CNOT7: variants seen among roughly 807,000 people sequenced by gnomAD.
CNOT7 encodes CCR4-NOT transcription complex subunit 7.
Under a neutral mutation model 37.1 loss-of-function variants are expected in CNOT7, and 4 were observed. The observed-to-expected ratio is 0.11, with a 90% CI of 0.05 to 0.25. CNOT7 has a LOEUF of 0.25. Ranked by LOEUF, CNOT7 falls within the 10% of genes least tolerant of loss-of-function variation. The probability of loss-of-function intolerance (pLI) is 1.00; values close to 1 mark genes in which losing one functional copy is unlikely to be tolerated. For missense variants in CNOT7, 170 were observed against 336.2 expected, an observed-to-expected ratio of 0.51 and a Z score of 3.87; for synonymous variants, 128 against 115.6, an observed-to-expected ratio of 1.11 and a Z score of -0.69.
chr8:17,237,634 C>T, intron 3 of CNOT7: 2 of 347,394 alleles, frequency 5.8e-6, no homozygotes, highest in Non-Finnish European at 1.1e-5. Context: ...CTCTATTAGC[C>T]TTTCATACTT....
rs752150564 is a variant in CNOT7, at chr8:17,246,813, G to A, written c.-234C>T. ...CCTCTCGCCCAGCGAAGGGAAAGGC[G>A]AGCAGGAGCTGCGCCGCACCGTGCT... is the stretch of plus-strand genomic sequence containing the variant. On this transcript the variant is annotated 5_prime_UTR_variant, in exon 1 of 7. Coordinates refer to ENST00000361272, the MANE Select transcript of CNOT7 (RefSeq NM_013354.7). The A allele has an allele frequency of 1.4e-5, 3 of 210,316 alleles. No homozygotes were observed. Among genetic ancestry groups the A allele is most frequent in the Non-Finnish European group, 2.9e-5 (3 of 102,274 alleles). 13.0% of individuals were successfully genotyped at this position (210,316 alleles called of 1,614,324 possible).
chr8:17,226,051 T>TTTTTC lies in CNOT7; in HGVS notation c.*4668_*4669insGAAAA, dbSNP rs1808136042. The TTTTTC allele has an allele frequency of 1.4e-5, 2 of 145,644 alleles. No individual in the cohort carries two copies. Among genetic ancestry groups the TTTTTC allele is most frequent in the Non-Finnish European group, 3.0e-5 (2 of 66,062 alleles). The allele number at this position is 145,644 out of a possible 1,614,324, so 9.0% of individuals were successfully genotyped here. Reference sequence around the variant, plus strand: ...AGCCTTTTTTTTTTTTTTTTTTTTTTTTTTGAAAAGGGCAGGTAGCAAATA... The same window carrying TTTTTC: ...AGCCTTTTTTTTTTTTTTTTTTTTTTTTTTCTTTTGAAAAGGGCAGGTAGCAAATA... On this transcript the variant is annotated 3_prime_UTR_variant, in exon 7 of 7. Transcript: ENST00000361272.
intron 3 of CNOT7, chr8:17,241,389 A>T (rs1810143259): frequency 6.6e-6 from 1 of 151,868 alleles, no homozygotes; most frequent in Non-Finnish European, 1.5e-5. Flanking sequence ...ATATTATTAA[A>T]CCCAAAAGAG....
intron 2 of CNOT7, 53 bp from the exon 3 acceptor site, chr8:17,243,238 C>T: frequency 7.2e-7 from 1 of 1,396,056 alleles, no homozygotes; most frequent in Non-Finnish European, 9.8e-7. Context: ...AACTACAATC[C>T]ACACATTTTT....
intron 5 of CNOT7, among the ~76,000 whole-genome samples, chr8:17,233,835 T>C (rs17124270): frequency 0.077 from 11,748 of 152,232 alleles, 891 homozygotes; most frequent in African/African-American, 0.2. Flanking sequence ...AAGCTTCTCA[T>C]CTTCAGTTAT....
At chr8:17,244,874 G>GTA in intron 2 of CNOT7, 162 bp downstream of exon 2, 1 of 612,730 alleles carries the variant, frequency 1.6e-6, no homozygotes, top group Non-Finnish European at 2.9e-6. Context: ...CAAATCACAG[G>GTA]TGTATTCCTG....
At chr8:17,238,654 C>CA (rs760484442) in intron 3 of CNOT7, among the ~76,000 whole-genome samples, 1 of 152,040 alleles carries the variant, frequency 6.6e-6, no homozygotes, top group Non-Finnish European at 1.5e-5. Flanking sequence ...GGATAAAAAA[C>CA]AGATTCTTCT....
chr8:17,237,511 T>A, intron 3 of CNOT7, 138 bp from the exon 4 acceptor site: 1 of 660,432 alleles, frequency 1.5e-6, no homozygotes, highest in African/African-American at 1.8e-5. Flanking sequence ...ATGCTTTATA[T>A]ATATGCAAGA....
intron 5 of CNOT7, among the ~76,000 whole-genome samples, chr8:17,233,225 C>T (rs1053274545): frequency 4.6e-5 from 7 of 152,034 alleles, no homozygotes; most frequent in East Asian, 1.9e-4. Flanking sequence ...ATAAGTAGAG[C>T]GTGAAGGAAA....
chr8:17,244,749 C>G (rs1810660989), intron 2 of CNOT7: 1 of 290,614 alleles, frequency 3.4e-6, no homozygotes, highest in Non-Finnish European at 6.5e-6. Context: ...TTACCTTCCC[C>G]TAAGACCACC....
At chr8:17,231,226 T>G (rs556669416) in intron 6 of CNOT7, among the ~76,000 whole-genome samples, 44 of 152,228 alleles carry the variant, frequency 2.9e-4, no homozygotes, top group African/African-American at 1.0e-3. Context: ...TAAATCTGTA[T>G]GCAAGGCTGA....
At chr8:17,237,161 A>T in intron 4 of CNOT7, 51 bp downstream of exon 4, 1 of 1,570,250 alleles carries the variant, frequency 6.4e-7, no homozygotes, top group Non-Finnish European at 8.7e-7. Context: ...GTAAGTGTGG[A>T]GCAAGTATGA....
At chr8:17,242,449 T>C (rs182144307) in intron 3 of CNOT7, 6 of 152,354 alleles carry the variant, frequency 3.9e-5, no homozygotes, top group Admixed American at 1.3e-4. Flanking sequence ...TTCTGACATA[T>C]GATAAACACC....
At position 17,229,834 on chromosome 8, in the gene CNOT7, A is replaced by G. The variant is rs1393467380; in HGVS notation, c.*886T>C. The G allele has an allele frequency of 9.2e-6, 1 of 108,580 alleles. No homozygotes were observed. Among genetic ancestry groups the G allele is most frequent in the African/African-American group, 2.6e-5 (1 of 38,448 alleles). The allele number at this position is 108,580 out of a possible 1,614,324, so 6.7% of individuals were successfully genotyped here. A position where few individuals can be genotyped will look rare whatever the true frequency, so the allele number is the denominator to read the frequency against. On this transcript the variant is annotated 3_prime_UTR_variant, in exon 7 of 7. Coordinates refer to ENST00000361272, the MANE Select transcript of CNOT7 (RefSeq NM_013354.7). ...CAAGAGCATCATAAGAATGGCTACA[A>G]AATTTAAAAAAAAAAAAAGGGTAAA...
In CNOT7 at chr8:17,234,770, A is replaced by C. The variant is rs1809115515; in HGVS notation, c.564T>G (p.Phe188Leu). The part of the protein sequence containing the change: ...ELDFFEILRL[F>L]FPVIYDVKYL... ...ACTTCACATCATAAATGACAGGAAAAAACAATCGAAGGATCTCAAAGAAGT... is the reference window on the plus strand; with the variant it reads ...ACTTCACATCATAAATGACAGGAAACAACAATCGAAGGATCTCAAAGAAGT... Residue 188 changes from phenylalanine (F) to leucine (L), a missense_variant, in exon 5 of 7, where the codon TTT (phenylalanine) becomes TTG (leucine). By Grantham distance (22) the Phe-to-Leu change is conservative (BLOSUM62 0). Coordinates refer to ENST00000361272, the MANE Select transcript of CNOT7 (RefSeq NM_013354.7). The C allele has an allele frequency of 6.2e-7, 1 of 1,614,030 alleles. No homozygotes were observed. The highest frequency in any genetic ancestry group is 1.3e-5 in the African/African-American group (1 of 74,936).
intron 5 of CNOT7, among the ~76,000 whole-genome samples, chr8:17,233,064 T>TA (rs2150973027): frequency 6.6e-6 from 1 of 152,294 alleles, no homozygotes; most frequent in East Asian, 1.9e-4. Flanking sequence ...CACAACTCCT[T>TA]AGAGTGGTCT....
intron 3 of CNOT7, 65 bp from the exon 4 acceptor site, chr8:17,237,438 C>T: frequency 2.0e-6 from 3 of 1,476,138 alleles, no homozygotes. Flanking sequence ...TGTTCTTCTG[C>T]TTACATCTAT....
rs1808302158 is a variant in CNOT7, at chr8:17,228,438, A to G, written c.*2282T>C. On this transcript the variant is annotated 3_prime_UTR_variant, in exon 7 of 7. Transcript: ENST00000361272. ...ACACTATACGGTTGCTCAACCTACA[A>G]TGAGGTTACATCTGAAAAAATACTA... The G allele has an allele frequency of 6.6e-6, 1 of 151,984 alleles. No homozygotes were observed. The highest frequency in any genetic ancestry group is 1.5e-5 in the Non-Finnish European group (1 of 67,882). 9.4% of individuals were successfully genotyped at this position (151,984 alleles called of 1,614,324 possible). A position where few individuals can be genotyped will look rare whatever the true frequency, so the allele number is the denominator to read the frequency against.
chr8:17,230,950 T>C (rs1808521273), intron 6 of CNOT7, 102 bp from the exon 7 acceptor site: 3 of 775,312 alleles, frequency 3.9e-6, no homozygotes, highest in Non-Finnish European at 4.1e-6. Flanking sequence ...TCACTGACAA[T>C]AATGATGGCT....
Sources: allele counts gnomAD v4.1 joint callset (sites outside exome capture counted in the v4.1 genomes callset), GRCh38; gene constraint gnomAD v4.1.1; transcripts MANE v1.5; gene names NCBI Gene and HGNC (gene_info 2026-07-23, HGNC 2026-07-21).